AQP7B: variants seen among roughly 807,000 people sequenced by gnomAD.
AQP7B encodes putative aquaporin-7B.
the AQP7B span, among the ~76,000 whole-genome samples, chr2:94,588,208 G>T: frequency 1.3e-5 from 2 of 152,044 alleles, no homozygotes; most frequent in Non-Finnish European, 2.9e-5. Flanking sequence ...TAGAGGCTGA[G>T]GGCATCTCCA....
the AQP7B span, among the ~76,000 whole-genome samples, chr2:94,600,671 T>C: frequency 6.6e-6 from 1 of 152,042 alleles, no homozygotes; most frequent in African/African-American, 2.4e-5. Flanking sequence ...TGAGGTCAGG[T>C]GTTTGAGACC....
chr2:94,604,241 G>C, the AQP7B span: 2 of 1,539,152 alleles, frequency 1.3e-6, no homozygotes, highest in East Asian at 4.5e-5. Flanking sequence ...TGAGGGTGCT[G>C]TCCTGGGCAT....
the AQP7B span, among the ~76,000 whole-genome samples, chr2:94,591,046 C>G: frequency 3.3e-5 from 5 of 151,222 alleles, no homozygotes; most frequent in Non-Finnish European, 7.4e-5. Context: ...CTTAGGGGAT[C>G]TGGTTGGCTG....
chr2:94,599,037 C>A, the AQP7B span, among the ~76,000 whole-genome samples: 2,344 of 152,302 alleles, frequency 0.015, 31 homozygotes, highest in Non-Finnish European at 0.023. Flanking sequence ...CTCCTGACCT[C>A]ATGATTGGCC....
At chr2:94,601,665 C>A in the AQP7B span, among the ~76,000 whole-genome samples, 15 of 152,172 alleles carry the variant, frequency 9.9e-5, no homozygotes, top group African/African-American at 3.4e-4. Context: ...AGGGGGCAAC[C>A]AGGAACCCAC....
the AQP7B span, among the ~76,000 whole-genome samples, chr2:94,600,042 C>T: frequency 6.6e-6 from 1 of 151,968 alleles, no homozygotes; most frequent in South Asian, 2.1e-4. Context: ...CCACGCCTGG[C>T]TAATTTTTGT....
the AQP7B span, among the ~76,000 whole-genome samples, chr2:94,600,330 T>G: frequency 6.6e-6 from 1 of 152,200 alleles, no homozygotes; most frequent in Non-Finnish European, 1.5e-5. Flanking sequence ...TAATTTAAAT[T>G]TTTCTAGTAT....
the AQP7B span, chr2:94,588,649 T>A: frequency 2.4e-6 from 2 of 840,466 alleles, no homozygotes; most frequent in Non-Finnish European, 1.9e-6. Context: ...TTGGGGCAGC[T>A]GTCCCCCCTT....
the AQP7B span, chr2:94,604,227 T>G: frequency 6.8e-7 from 1 of 1,479,982 alleles, no homozygotes; most frequent in Non-Finnish European, 9.1e-7. Flanking sequence ...TCGCCCAAGG[T>G]GGATGAGGGT....
At chr2:94,595,154 C>T in the AQP7B span, among the ~76,000 whole-genome samples, 1 of 152,114 alleles carries the variant, frequency 6.6e-6, no homozygotes, top group African/African-American at 2.4e-5. Context: ...ATTGAAGAGG[C>T]CCAGGTGCAA....
the AQP7B span, among the ~76,000 whole-genome samples, chr2:94,598,472 G>A: frequency 2.0e-5 from 3 of 152,174 alleles, no homozygotes; most frequent in East Asian, 3.9e-4. Context: ...AGCCATACAC[G>A]TGAGACACGG....
the AQP7B span, chr2:94,602,702 C>G: frequency 1.5e-6 from 2 of 1,358,790 alleles, no homozygotes; most frequent in South Asian, 2.6e-5. Flanking sequence ...GCTCCTTTCC[C>G]AGCACAGCCA....
the AQP7B span, among the ~76,000 whole-genome samples, chr2:94,601,665 C>G: frequency 6.6e-6 from 1 of 152,054 alleles, no homozygotes; most frequent in Admixed American, 6.6e-5. Flanking sequence ...AGGGGGCAAC[C>G]AGGAACCCAC....
At chr2:94,587,920 T>G in the AQP7B span, among the ~76,000 whole-genome samples, 2 of 151,992 alleles carry the variant, frequency 1.3e-5, no homozygotes, top group African/African-American at 2.4e-5. Context: ...CTGGGCTAGA[T>G]AATCAGGAGG....
the AQP7B span, chr2:94,603,037 G>A: frequency 9.4e-6 from 15 of 1,596,270 alleles, no homozygotes; most frequent in South Asian, 1.1e-5. Context: ...CTGCCCGCAG[G>A]AGCCCACATG....
the AQP7B span, among the ~76,000 whole-genome samples, chr2:94,600,819 C>T: frequency 1.0e-4 from 15 of 148,542 alleles, no homozygotes; most frequent in South Asian, 4.3e-4. Context: ...TTGGAGGTTG[C>T]GGTGAGCCGA....
the AQP7B span, among the ~76,000 whole-genome samples, chr2:94,589,954 C>T: frequency 6.6e-6 from 1 of 152,138 alleles, no homozygotes; most frequent in Non-Finnish European, 1.5e-5. Flanking sequence ...ATTCTTTCTA[C>T]CACCACCCTA....
At chr2:94,603,006 A>G in the AQP7B span, 5 of 1,579,280 alleles carry the variant, frequency 3.2e-6, no homozygotes, top group African/African-American at 1.3e-5. Flanking sequence ...TTCTGCTCTC[A>G]CTCCCTGACA....
At chr2:94,603,489 C>T in the AQP7B span, 13 of 1,609,560 alleles carry the variant, frequency 8.1e-6, no homozygotes, top group Non-Finnish European at 1.1e-5. Context: ...TGTGGCGGGG[C>T]TTCCTGAATG....
Sources: allele counts gnomAD v4.1 joint callset (sites outside exome capture counted in the v4.1 genomes callset), GRCh38; gene constraint gnomAD v4.1.1; transcripts MANE v1.5; gene names NCBI Gene and HGNC (gene_info 2026-07-23, HGNC 2026-07-21).